The following RFX1 variants were observed in gnomAD, a reference collection of about 807,000 sequenced individuals.
RFX1 encodes regulatory factor X1.
A neutral mutation model predicts 119.6 loss-of-function variants in RFX1; 42 were observed. That is an observed-to-expected ratio of 0.35 (90% confidence interval 0.27 to 0.45). The LOEUF (loss-of-function observed/expected upper bound fraction) is 0.45. Ranked by LOEUF, RFX1 falls within the 20% of genes least tolerant of loss-of-function variation. RFX1 has a pLI of 1.00. For synonymous variants in RFX1, 628 were observed against 618.5 expected, an observed-to-expected ratio of 1.02 and a Z score of -0.23; for missense variants, 1,118 against 1,368.1, an observed-to-expected ratio of 0.82 and a Z score of 2.88.
In RFX1 at chr19:13,990,766, G is replaced by A. The variant is rs562050898; in HGVS notation, c.319+2759C>T. ...CCGGAGGCAGAGCTTGCAGTGAGCC[G>A]AGATCCTGCCACTGCACTCCAGCCT... On this transcript the variant is annotated intron_variant, in intron 2 of 20. Transcript: ENST00000254325. The surrounding 1 kb of genome is among the most constrained non-coding windows in gnomAD (Gnocchi z 4.1). 1.4e-4 allele frequency among the ~76,000 whole-genome samples: 21 copies of A among 151,906 alleles called. No individual in the cohort carries two copies. In the South Asian group the frequency reaches 2.9e-3, roughly 21 times the overall value.
chr19:13,995,177 C>CG (rs34790135), intron 1 of RFX1, among the ~76,000 whole-genome samples: 3 of 151,702 alleles, frequency 2.0e-5, no homozygotes, highest in African/African-American at 7.3e-5. Context: ...GGCCACACAG[C>CG]GGGGAAGTGG....
At chr19:13,981,333 C>T (rs556769021) in intron 5 of RFX1, among the ~76,000 whole-genome samples, 3 of 152,330 alleles carry the variant, frequency 2.0e-5, no homozygotes, top group Admixed American at 6.5e-5. Context: ...TGGTGGCTCA[C>T]GCCTGTAATC....
chr19:13,973,178 G>C, intron 8 of RFX1, 51 bp from the exon 9 acceptor site: 12 of 887,702 alleles, frequency 1.4e-5, no homozygotes, highest in Non-Finnish European at 2.0e-5. Flanking sequence ...GAACTGGGGG[G>C]CCGAGGGGCA....
intron 1 of RFX1, among the ~76,000 whole-genome samples, chr19:13,997,781 G>T (rs1034928058): frequency 6.6e-6 from 1 of 152,152 alleles, no homozygotes; most frequent in Non-Finnish European, 1.5e-5. Flanking sequence ...CAGGCAGGAT[G>T]AGAAGCCGTT....
chr19:13,976,840 C>T (rs968333765), intron 8 of RFX1, among the ~76,000 whole-genome samples: 1 of 151,636 alleles, frequency 6.6e-6, no homozygotes, highest in African/African-American at 2.4e-5. Flanking sequence ...CCCATCTCTA[C>T]AAAAATACAA....
rs763905039 is a variant in RFX1 at position 13,963,786 on chromosome 19, G to A, written c.2362-40C>T. 7 of 1,502,488 alleles carry A rather than the reference G, an allele frequency of 4.7e-6. No homozygotes were observed. In the African/African-American group the frequency reaches 7.1e-5, roughly 15 times the overall value. 93.1% of individuals were successfully genotyped at this position (1,502,488 alleles called of 1,614,324 possible). A position where few individuals can be genotyped will look rare whatever the true frequency, so the allele number is the denominator to read the frequency against. ...GTGGGCGGGCGCCCGGGGCTCAGCC[G>A]CCGTCACCCCCGCCTGGCCCGCCCC... On this transcript the variant is annotated intron_variant, in intron 17 of 20. Transcript: ENST00000254325.
In RFX1 at chr19:13,993,927, AAAAC is replaced by A. The variant is rs1936845700; in HGVS notation, c.-52-36_-52-33del. The A allele has an allele frequency of 1.0e-5, 11 of 1,056,858 alleles. No individual in the cohort carries two copies. The South Asian group carries it at 1.3e-4, about 12-fold the overall frequency. The allele number at this position is 1,056,858 out of a possible 1,614,324, so 65.5% of individuals were successfully genotyped here. A position where few individuals can be genotyped will look rare whatever the true frequency, so the allele number is the denominator to read the frequency against. ...AAGAAAGACGGGGATGGGGGAGAGA[AAAAC>A]AAAACAAAACAAAAGAAGGAAAAAC... On this transcript the variant is annotated intron_variant, in intron 1 of 20. Transcript: ENST00000254325.
intron 1 of RFX1, among the ~76,000 whole-genome samples, chr19:13,999,986 T>A (rs1975161597): frequency 6.6e-6 from 1 of 152,082 alleles, no homozygotes; most frequent in Admixed American, 6.6e-5. Flanking sequence ...TGACCCCTGT[T>A]TTGGATGCCA....
chr19:13,969,815 G>T lies in RFX1; in HGVS notation c.1496+179C>A, dbSNP rs1974017023. On this transcript the variant is annotated intron_variant, in intron 10 of 20. Transcript: ENST00000254325. The surrounding 1 kb of genome is among the most constrained non-coding windows in gnomAD (Gnocchi z 4.5). The stretch of plus-strand genomic sequence containing the variant: ...TAAGGAGGGGTGAGAAGCACATGAG[G>T]TGGAAGGCACCGCCAGTGCAAAGGC... 1 of 564,378 alleles carries T rather than the reference G, an allele frequency of 1.8e-6. No individual in the cohort carries two copies. 35.0% of individuals were successfully genotyped at this position (564,378 alleles called of 1,614,324 possible).
chr19:13,974,153 G>C (rs568590568), intron 8 of RFX1, among the ~76,000 whole-genome samples: 1 of 152,132 alleles, frequency 6.6e-6, no homozygotes, highest in African/African-American at 2.4e-5. Context: ...CACGTGCAAA[G>C]GTAAATGAGA....
chr19:13,986,268 C>T lies in RFX1; in HGVS notation c.320-2673G>A, dbSNP rs1310518161. Among the ~76,000 whole-genome samples, 4 of 152,080 alleles carry T rather than the reference C, an allele frequency of 2.6e-5. No homozygotes were observed. The South Asian group carries it at 6.2e-4, about 24-fold the overall frequency. On this transcript the variant is annotated intron_variant, in intron 2 of 20. Coordinates refer to ENST00000254325, the MANE Select transcript of RFX1 (RefSeq NM_002918.5). This position sits in a 1 kb window ranked among gnomAD's most constrained non-coding sequence, Gnocchi z 4.2. ...CCCTCTCCAGGGCTCAGGGGCTGGT[C>T]GCTGAGCAGGACCTACAGCAGGAGG...
At position 13,972,804 on chromosome 19, in the gene RFX1, C is replaced by T. The variant is rs1297359373; in HGVS notation, c.1253G>A (p.Gly418Asp). 6.2e-6 allele frequency: 10 copies of T among 1,608,004 alleles called. No homozygotes were observed. Among genetic ancestry groups the T allele is most frequent in the African/African-American group, 2.7e-5 (2 of 74,816 alleles). Residue 418 changes from glycine (G) to aspartate (D), a missense_variant, in exon 9 of 21, where the codon GGC becomes GAC. This residue lies in a region of RFX1 where 542 missense variants were observed against 602.7 expected (regional missense o/e 0.90). Coordinates refer to ENST00000254325, the MANE Select transcript of RFX1 (RefSeq NM_002918.5). ...SGAGTYVIQG[G>D]YMLGSASQSY... ...CTGGCTGGCACTGCCCAGCATGTAG[C>T]CGCCTTGGATCACGTAGGTGCCTGC...
chr19:13,992,863 G>A (rs1599512205), intron 2 of RFX1, among the ~76,000 whole-genome samples: 2 of 152,344 alleles, frequency 1.3e-5, no homozygotes, highest in South Asian at 4.1e-4. Flanking sequence ...TGAGCATGGT[G>A]ACTCATGCCT....
intron 8 of RFX1, among the ~76,000 whole-genome samples, chr19:13,977,383 T>C (rs1439584562): frequency 1.3e-5 from 2 of 151,464 alleles, no homozygotes; most frequent in Non-Finnish European, 2.9e-5. Flanking sequence ...AAGAAACAGG[T>C]CACAGCATCC....
At position 13,968,942 on chromosome 19, in the gene RFX1, G is replaced by A. The variant is rs1973991709; in HGVS notation, c.1497-48C>T. On this transcript the variant is annotated intron_variant, in intron 10 of 20. Transcript: ENST00000254325. This position sits in a 1 kb window ranked among gnomAD's most constrained non-coding sequence, Gnocchi z 5.5. ...GGGCTGGGCTGGGGGTCTGCCGGCTGGCCGGCCATGGAGCACCTCACAGCA... is the reference window on the plus strand; with the variant it reads ...GGGCTGGGCTGGGGGTCTGCCGGCTAGCCGGCCATGGAGCACCTCACAGCA... 6.5e-7 allele frequency: 1 copy of A among 1,533,526 alleles called. No homozygotes were observed. Among genetic ancestry groups the A allele is most frequent in the Non-Finnish European group, 8.8e-7 (1 of 1,141,864 alleles). 95.0% of individuals were successfully genotyped at this position (1,533,526 alleles called of 1,614,324 possible).
At position 13,966,602 on chromosome 19, in the gene RFX1, G is replaced by A. The variant is rs370822764; in HGVS notation, c.1851+31C>T. The A allele has an allele frequency of 2.6e-4, 411 of 1,551,652 alleles. 1 individual carries two copies. The highest frequency in any genetic ancestry group is 3.2e-4 in the Non-Finnish European group (362 of 1,139,176). On this transcript the variant is annotated intron_variant, in intron 13 of 20. Transcript: ENST00000254325. The surrounding 1 kb of genome is among the most constrained non-coding windows in gnomAD (Gnocchi z 6.3). ...CTCCCATGCCCGTGGCTGCGTCCCC[G>A]TCCACTTGCCTGCCCACCTGGCCAC...
At position 13,965,479 on chromosome 19, in the gene RFX1, G is replaced by T; in HGVS notation, c.2181C>A (p.Val727=). ...CCCGCAGCATCTCCTCGGGGATGTT[G>T]ACCATGGCGTGGGTGAGCCAGCTCT... ...SLESWLTHAM[V]NIPEEMLRVK... Residue 727 remains valine, a synonymous_variant, in exon 16 of 21, where the codon GTC becomes GTA. Transcript: ENST00000254325. The surrounding 1 kb of genome is among the most constrained non-coding windows in gnomAD (Gnocchi z 4.7). 6.2e-7 allele frequency: 1 copy of T among 1,613,996 alleles called. No homozygotes were observed. The highest frequency in any genetic ancestry group is 8.5e-7 in the Non-Finnish European group (1 of 1,179,984).
Position 13,969,936 on chromosome 19 carries a change from G to T in RFX1, c.1496+58C>A. 6.6e-7 allele frequency: 1 copy of T among 1,520,914 alleles called. No individual in the cohort carries two copies. Among genetic ancestry groups the T allele is most frequent in the South Asian group, 1.3e-5 (1 of 79,502 alleles). The allele number at this position is 1,520,914 out of a possible 1,614,324, so 94.2% of individuals were successfully genotyped here. A position where few individuals can be genotyped will look rare whatever the true frequency, so the allele number is the denominator to read the frequency against. On this transcript the variant is annotated intron_variant, in intron 10 of 20. Transcript: ENST00000254325. The surrounding 1 kb of genome is among the most constrained non-coding windows in gnomAD (Gnocchi z 4.5). ...CCTGAGATGACTCGGAGTGGGGGTG[G>T]GCCTTGGCATGCCCACCAATTCCCC...
At position 13,986,380 on chromosome 19, in the gene RFX1, G is replaced by T. The variant is rs1387572954; in HGVS notation, c.320-2785C>A. The stretch of plus-strand genomic sequence containing the variant: ...GCCTCTGGGGTAGCCCTCAAGGCTG[G>T]GACCCCGCCTGCCAGCCCAGGAGGG... On this transcript the variant is annotated intron_variant, in intron 2 of 20. Transcript: ENST00000254325. This position sits in a 1 kb window ranked among gnomAD's most constrained non-coding sequence, Gnocchi z 4.2. 3.3e-5 allele frequency among the ~76,000 whole-genome samples: 5 copies of T among 152,196 alleles called. No individual in the cohort carries two copies. Among genetic ancestry groups the T allele is most frequent in the African/African-American group, 1.2e-4 (5 of 41,452 alleles).
Sources: allele counts gnomAD v4.1 joint callset (sites outside exome capture counted in the v4.1 genomes callset), GRCh38; gene constraint gnomAD v4.1.1; regional missense constraint gnomAD v4.1.1; non-coding constraint Gnocchi (gnomAD v3.1); transcripts MANE v1.5; gene names NCBI Gene and HGNC (gene_info 2026-07-23, HGNC 2026-07-21).